The following LYPD1 variants were observed in gnomAD, a reference collection of about 807,000 sequenced individuals.
The protein encoded by LYPD1 is ly6/PLAUR domain-containing protein 1.
LYPD1 carries 14 observed loss-of-function variants against 14.2 expected under a neutral mutation model. The observed-to-expected ratio is 0.99, with a 90% confidence interval of 0.65 to 1.54. The LOEUF is 1.54. Ranked by LOEUF, LYPD1 falls within the 40% of genes most tolerant of loss-of-function variation. The probability of loss-of-function intolerance (pLI) is 0.00; values close to 1 mark genes in which losing one functional copy is unlikely to be tolerated. For missense variants in LYPD1, 165 were observed against 175.7 expected, an observed-to-expected ratio of 0.94 and a Z score of 0.34; for synonymous variants, 85 against 70.6, an observed-to-expected ratio of 1.20 and a Z score of -1.02.
At chr2:132,646,765 C>T (rs1348389601) in intron 2 of LYPD1, among the ~76,000 whole-genome samples, 1 of 152,126 alleles carries the variant, frequency 6.6e-6, no homozygotes, top group African/African-American at 2.4e-5. Context: ...AGACCAAATC[C>T]CGAAGGGAAA....
intron 2 of LYPD1, among the ~76,000 whole-genome samples, chr2:132,646,925 G>A (rs1682125392): frequency 6.6e-6 from 1 of 152,166 alleles, no homozygotes; most frequent in Non-Finnish European, 1.5e-5. Context: ...GTACCACGCA[G>A]CTAGCACTCA....
chr2:132,661,692 A>G (rs1408312227), intron 2 of LYPD1, among the ~76,000 whole-genome samples: 1 of 152,214 alleles, frequency 6.6e-6, no homozygotes. Context: ...AGGCAAATCC[A>G]TAGAAGCAGA....
In LYPD1 at chr2:132,656,426, G is replaced by GA. The variant is rs150084742; in HGVS notation, c.191-10147dup. ...GCAGGACTAGGAACAGTTCCTCAAA[G>GA]AAAAATGCTTGGGGAACGGGTAATT... is the stretch of plus-strand genomic sequence containing the variant. On this transcript the variant is annotated intron_variant, in intron 2 of 2. Transcript: ENST00000397463. Among the ~76,000 whole-genome samples the GA allele has an allele frequency of 1.2e-3, 176 of 152,222 alleles. 1 individual carries two copies. The highest frequency in any genetic ancestry group is 2.2e-3 in the Non-Finnish European group (147 of 68,014).
In LYPD1 at chr2:132,646,201, T is replaced by G. The variant is rs1168526001; in HGVS notation, c.270A>C (p.Pro90=). 3.1e-6 allele frequency: 5 copies of G among 1,607,344 alleles called. No homozygotes were observed. In the South Asian group the frequency reaches 4.5e-5, roughly 14 times the overall value. The change falls in exon 3 of 3, where the codon CCA becomes CCC. Residue 90 remains proline (P), a synonymous_variant. Transcript: ENST00000397463. The part of the protein sequence containing the change: ...ASAGYQSFCS[P]GKLNSVCISC... ...TGATGCAAACTGAGTTCAGTTTCCCTGGGGAGCAGAAGGACTGGTACCCGG... is the reference window on the plus strand; with the variant it reads ...TGATGCAAACTGAGTTCAGTTTCCCGGGGGAGCAGAAGGACTGGTACCCGG...
At chr2:132,655,271 C>T (rs957721731) in intron 2 of LYPD1, among the ~76,000 whole-genome samples, 8 of 152,140 alleles carry the variant, frequency 5.3e-5, no homozygotes, top group African/African-American at 1.9e-4. Flanking sequence ...TTTGAAAGCT[C>T]ATTTGACCCC....
intron 2 of LYPD1, among the ~76,000 whole-genome samples, chr2:132,668,092 A>G (rs944152689): frequency 2.6e-5 from 4 of 152,186 alleles, no homozygotes; most frequent in African/African-American, 9.6e-5. Context: ...CTGGTTAGCC[A>G]TATATTTTCT....
intron 2 of LYPD1, among the ~76,000 whole-genome samples, chr2:132,658,347 G>A (rs947820757): frequency 1.3e-5 from 2 of 152,196 alleles, no homozygotes; most frequent in African/African-American, 4.8e-5. Flanking sequence ...TGTGATACAG[G>A]AAGCAAGGTC....
intron 2 of LYPD1, among the ~76,000 whole-genome samples, chr2:132,654,472 A>G (rs1000487772): frequency 5.3e-5 from 8 of 152,102 alleles, no homozygotes; most frequent in African/African-American, 1.7e-4. Context: ...CGTACCCCCA[A>G]CAAATGCAGT....
At position 132,644,156 on chromosome 2, in the gene LYPD1, G is replaced by A. The variant is rs1681934640; in HGVS notation, c.*1889C>T. Among the ~76,000 whole-genome samples the A allele has an allele frequency of 6.6e-6, 1 of 152,186 alleles. No individual in the cohort carries two copies. The highest frequency in any genetic ancestry group is 2.1e-4 in the South Asian group (1 of 4,834). On this transcript the variant is annotated 3_prime_UTR_variant, in exon 3 of 3. Coordinates refer to ENST00000397463, the MANE Select transcript of LYPD1 (RefSeq NM_144586.7). Reference sequence around the variant, plus strand: ...ATACCTGTGATTTCAGTTGTTTGTGGTCTATGTAGCATCTTTATCTCTGTC... The same window carrying A: ...ATACCTGTGATTTCAGTTGTTTGTGATCTATGTAGCATCTTTATCTCTGTC...
In LYPD1 at chr2:132,644,106, TTGTCAC is replaced by T. The variant is rs1681932196; in HGVS notation, c.*1933_*1938del. Among the ~76,000 whole-genome samples, 3 of 152,228 alleles carry T rather than the reference TTGTCAC, an allele frequency of 2.0e-5. No individual in the cohort carries two copies. Among genetic ancestry groups the T allele is most frequent in the South Asian group, 2.1e-4 (1 of 4,832 alleles). Reference sequence around the variant, plus strand: ...GATCTTCCTTTGTTCTTTTTTGCTTTTGTCACTGTAACTAAACTCTCATGATACCTG... The same window carrying T: ...GATCTTCCTTTGTTCTTTTTTGCTTTTGTAACTAAACTCTCATGATACCTG... On this transcript the variant is annotated 3_prime_UTR_variant, in exon 3 of 3. Transcript: ENST00000397463.
At chr2:132,648,108 A>G (rs1410828798) in intron 2 of LYPD1, among the ~76,000 whole-genome samples, 1 of 152,188 alleles carries the variant, frequency 6.6e-6, no homozygotes, top group East Asian at 1.9e-4. Flanking sequence ...TAAGGAATAC[A>G]CTTCAGGGAA....
rs1001623848 is a variant in LYPD1, at chr2:132,669,027, C to T, written c.53-490G>A. On this transcript the variant is annotated intron_variant, in intron 1 of 2. Transcript: ENST00000397463. This position sits in a 1 kb window ranked among gnomAD's most constrained non-coding sequence, Gnocchi z 4.3. ...TAAAGTCAGCGTTTCTGTGCCAGGGCTCTGAGGATCCCTGAGCGACCACCT... is the reference window on the plus strand; with the variant it reads ...TAAAGTCAGCGTTTCTGTGCCAGGGTTCTGAGGATCCCTGAGCGACCACCT... Among the ~76,000 whole-genome samples, 4 of 152,232 alleles carry T rather than the reference C, an allele frequency of 2.6e-5. No individual in the cohort carries two copies. The highest frequency in any genetic ancestry group is 9.6e-5 in the African/African-American group (4 of 41,462).
chr2:132,660,796 G>A (rs1346312646), intron 2 of LYPD1, among the ~76,000 whole-genome samples: 1 of 152,198 alleles, frequency 6.6e-6, no homozygotes, highest in Non-Finnish European at 1.5e-5. Context: ...TGAGTAAGGA[G>A]TTCTGCCTAT....
At chr2:132,648,917 G>A (rs1682250841) in intron 2 of LYPD1, among the ~76,000 whole-genome samples, 1 of 152,136 alleles carries the variant, frequency 6.6e-6, no homozygotes, top group Non-Finnish European at 1.5e-5. Context: ...GAGGCATGAG[G>A]GTCATGAGGC....
intron 2 of LYPD1, among the ~76,000 whole-genome samples, chr2:132,658,658 T>C (rs1682741731): frequency 6.6e-6 from 1 of 152,134 alleles, no homozygotes; most frequent in Admixed American, 6.5e-5. Flanking sequence ...AAAAACGAAG[T>C]TTGTTTGCTT....
At chr2:132,666,449 C>A (rs186439721) in intron 2 of LYPD1, among the ~76,000 whole-genome samples, 17 of 152,282 alleles carry the variant, frequency 1.1e-4, no homozygotes, top group Admixed American at 6.5e-4. Flanking sequence ...TCATCGACTG[C>A]TTCTGTTTGT....
rs750784471 is a variant in LYPD1, at chr2:132,668,446, C to T, written c.144G>A (p.Val48=). Residue 48 remains valine (V), a synonymous_variant, in exon 2 of 3, where the codon GTG becomes GTA. Coordinates refer to ENST00000397463, the MANE Select transcript of LYPD1 (RefSeq NM_144586.7). ...CTTTCTGACACATGTCTTGAACGTT[C>T]ACCGTGCAATTCACAATGAACTCGG... ...SSPEFIVNCT[V]NVQDMCQKEV... The T allele has an allele frequency of 6.8e-6, 11 of 1,610,518 alleles. No individual in the cohort carries two copies. In the South Asian group the frequency reaches 1.2e-4, roughly 18 times the overall value.
intron 2 of LYPD1, chr2:132,663,239 A>AT (rs933783860): frequency 2.0e-5 from 3 of 152,182 alleles, no homozygotes; most frequent in African/African-American, 7.2e-5. Flanking sequence ...ATGAAGATAT[A>AT]TTTTTTGATA....
At chr2:132,654,818 G>A (rs745892873) in intron 2 of LYPD1, among the ~76,000 whole-genome samples, 13 of 151,922 alleles carry the variant, frequency 8.6e-5, no homozygotes, top group Non-Finnish European at 1.3e-4. Flanking sequence ...GCGCAATCTC[G>A]GCTCACTGCA....
Sources: allele counts gnomAD v4.1 joint callset (sites outside exome capture counted in the v4.1 genomes callset), GRCh38; gene constraint gnomAD v4.1.1; non-coding constraint Gnocchi (gnomAD v3.1); transcripts MANE v1.5; gene names NCBI Gene and HGNC (gene_info 2026-07-23, HGNC 2026-07-21).